The following CCM2L variants were observed in gnomAD, a reference collection of about 807,000 sequenced individuals.
CCM2L encodes the protein cerebral cavernous malformations 2 protein-like.
In CCM2L, 36 loss-of-function variants were observed where a neutral mutation model predicts 54.1. The observed-to-expected ratio is 0.67, with a 90% CI of 0.51 to 0.88. The LOEUF (loss-of-function observed/expected upper bound fraction) is 0.88, where lower values mean the gene tolerates loss of function less well. Among genes scored for constraint, CCM2L ranks in the 40% least tolerant of loss-of-function variants. The pLI is 0.00. For synonymous variants in CCM2L, 351 were observed against 359.3 expected, an observed-to-expected ratio of 0.98 and a Z score of 0.26; for missense variants, 700 against 812.1, an observed-to-expected ratio of 0.86 and a Z score of 1.68.
At chr20:32,024,224 C>T (rs1192807709) in intron 6 of CCM2L, among the ~76,000 whole-genome samples, 16 of 152,186 alleles carry the variant, frequency 1.1e-4, no homozygotes, top group Admixed American at 1.0e-3. Flanking sequence ...CCATTGTCTC[C>T]CACAGCATGG....
In CCM2L at chr20:32,017,866, C is replaced by T. The variant is rs766169463; in HGVS notation, c.265C>T (p.Leu89=). The T allele has an allele frequency of 6.2e-7, 1 of 1,614,074 alleles. No individual in the cohort carries two copies. The part of the protein sequence containing the change: ...NPSSRDELLQ[L]LDTARQLKEL... ...CTCCAGTCGGGACGAGCTCCTGCAG[C>T]TGCTAGACACCGCCAGGGTGAGACT... Residue 89 remains leucine, a synonymous_variant, in exon 3 of 10, where the codon CTG becomes TTG. Transcript: ENST00000452892.
chr20:32,013,851 G>A (rs965398435), intron 1 of CCM2L, among the ~76,000 whole-genome samples: 3 of 152,194 alleles, frequency 2.0e-5, no homozygotes, highest in African/African-American at 7.2e-5. Context: ...GGCTTGTTAA[G>A]CCCTAATTGC....
rs1229000377 is a variant in CCM2L at position 32,019,309 on chromosome 20, G to A, written c.833G>A (p.Gly278Asp). The change falls in exon 5 of 10, where the codon GGC becomes GAC. Residue 278 changes from glycine to aspartate, a missense_variant. Transcript: ENST00000452892. ...AGGCAGGCGGGCAGCGGCGGGGGAG[G>A]CAGCTGGGAGCGGCGCCACCCCGGC... ...ERRQAGSGGG[G>D]SWERRHPGPN... is the part of the protein sequence containing the mutation. The A allele has an allele frequency of 2.3e-6, 3 of 1,310,884 alleles. No homozygotes were observed. The Admixed American group carries it at 1.0e-4, about 45-fold the overall frequency. 81.2% of individuals were successfully genotyped at this position (1,310,884 alleles called of 1,614,324 possible). A position where few individuals can be genotyped will look rare whatever the true frequency, so the allele number is the denominator to read the frequency against.
At chr20:32,025,247 T>TTTTTC (rs368794150) in intron 6 of CCM2L, among the ~76,000 whole-genome samples, 1 of 151,528 alleles carries the variant, frequency 6.6e-6, no homozygotes, top group African/African-American at 2.4e-5. Context: ...TCTTTCTTTC[T>TTTTTC]TTTTCTTTTC....
chr20:32,013,760 A>G (rs2064714212), intron 1 of CCM2L, among the ~76,000 whole-genome samples: 2 of 152,140 alleles, frequency 1.3e-5, no homozygotes, highest in South Asian at 4.1e-4. Flanking sequence ...TTCCCCAGGT[A>G]GTACTAAAGG....
chr20:32,013,235 G>A (rs555328224), intron 1 of CCM2L, among the ~76,000 whole-genome samples: 3 of 152,192 alleles, frequency 2.0e-5, no homozygotes, highest in Admixed American at 6.5e-5. Flanking sequence ...AGAGATCAAG[G>A]CTGCAGTGAG....
chr20:32,031,440 T>C lies in CCM2L; in HGVS notation c.*126T>C. The C allele has an allele frequency of 1.3e-6, 1 of 758,340 alleles. No homozygotes were observed. The highest frequency in any genetic ancestry group is 1.8e-6 in the Non-Finnish European group (1 of 550,380). The allele number at this position is 758,340 out of a possible 1,614,324, so 47.0% of individuals were successfully genotyped here. ...GCCGGGGGGTCTTCACTCCAGGGTC[T>C]CGCTCCCTGCCCTTGGGGCCCGGGG... On this transcript the variant is annotated 3_prime_UTR_variant, in exon 10 of 10. Transcript: ENST00000452892.
Position 32,018,966 on chromosome 20 carries a change from G to A in CCM2L, c.490G>A (p.Ala164Thr). 7.1e-7 allele frequency: 1 copy of A among 1,402,488 alleles called. No homozygotes were observed. Among genetic ancestry groups the A allele is most frequent in the Non-Finnish European group, 9.2e-7 (1 of 1,082,744 alleles). The allele number at this position is 1,402,488 out of a possible 1,614,324, so 86.9% of individuals were successfully genotyped here. ...AGGTCTGGGTGTGGACCCGGTGCCG[G>A]CCGGCGTGGATGCCAGCCCAGGCGG... is the stretch of plus-strand genomic sequence containing the variant. ...KTGLGVDPVPAGVDASPGGAG... is the reference protein window; with the variant it reads ...KTGLGVDPVPTGVDASPGGAG... The change falls in exon 5 of 10, where the codon GCC becomes ACC. Residue 164 changes from alanine (A) to threonine (T), a missense_variant. Ala to Thr is a moderately conservative substitution (Grantham distance 58, BLOSUM62 0). Coordinates refer to ENST00000452892, the MANE Select transcript of CCM2L (RefSeq NM_001365692.1).
At chr20:32,022,454 G>A (rs1247963422) in intron 5 of CCM2L, among the ~76,000 whole-genome samples, 1 of 152,184 alleles carries the variant, frequency 6.6e-6, no homozygotes, top group East Asian at 1.9e-4. Context: ...TGGCACAAGA[G>A]TTAGAGTTGT....
chr20:32,011,611 C>A (rs1437806825), intron 1 of CCM2L, among the ~76,000 whole-genome samples: 1 of 151,848 alleles, frequency 6.6e-6, no homozygotes, highest in Non-Finnish European at 1.5e-5. Context: ...TAAATAAATA[C>A]ATAAATAAAA....
chr20:32,014,021 T>C (rs1025248990), intron 1 of CCM2L, among the ~76,000 whole-genome samples: 1 of 152,156 alleles, frequency 6.6e-6, no homozygotes, highest in East Asian at 1.9e-4. Context: ...TTCAGATGGC[T>C]GGTCTGGGCT....
chr20:32,026,092 C>A (rs1600683067), intron 7 of CCM2L, among the ~76,000 whole-genome samples, 173 bp downstream of exon 7: 1 of 152,062 alleles, frequency 6.6e-6, no homozygotes, highest in Admixed American at 6.6e-5. Flanking sequence ...GGATCCAGAC[C>A]CTTGAGAGAC....
At position 32,019,046 on chromosome 20, in the gene CCM2L, C is replaced by T. The variant is rs2064771977; in HGVS notation, c.570C>T (p.Gly190=). The T allele has an allele frequency of 1.5e-6, 2 of 1,301,988 alleles. No individual in the cohort carries two copies. The highest frequency in any genetic ancestry group is 1.9e-6 in the Non-Finnish European group (2 of 1,032,462). 80.7% of individuals were successfully genotyped at this position (1,301,988 alleles called of 1,614,324 possible). A position where few individuals can be genotyped will look rare whatever the true frequency, so the allele number is the denominator to read the frequency against. ...PGGAPEKRRV[G]TAERRHTICS... ...GGGCGCCCGAGAAGCGGCGGGTGGG[C>T]ACCGCGGAGCGGCGCCACACCATCT... Residue 190 remains glycine (G), a synonymous_variant, in exon 5 of 10, where the codon GGC becomes GGT. Coordinates refer to ENST00000452892, the MANE Select transcript of CCM2L (RefSeq NM_001365692.1).
At chr20:32,028,798 G>T (rs6121313) in intron 7 of CCM2L, 197 bp from the exon 8 acceptor site, 1 of 618,470 alleles carries the variant, frequency 1.6e-6, no homozygotes. Flanking sequence ...GAGAAGGGGG[G>T]TGGGGGGCGC....
At position 32,017,884 on chromosome 20, in the gene CCM2L, G is replaced by T; in HGVS notation, c.282+1G>T. 6.2e-7 allele frequency: 1 copy of T among 1,613,966 alleles called. No homozygotes were observed. The highest frequency in any genetic ancestry group is 8.5e-7 in the Non-Finnish European group (1 of 1,180,006). On this transcript the variant is annotated splice_donor_variant, in intron 3 of 9. Coordinates refer to ENST00000452892, the MANE Select transcript of CCM2L (RefSeq NM_001365692.1). LOFTEE classifies it high-confidence loss of function. ...CCTGCAGCTGCTAGACACCGCCAGG[G>T]TGAGACTCTGGGGAGGGAGGAGGGC...
chr20:32,025,118 CCTTT>C lies in CCM2L; in HGVS notation c.1070-725_1070-722del, dbSNP rs957173127. Among the ~76,000 whole-genome samples the C allele has an allele frequency of 3.3e-4, 49 of 149,468 alleles. 2 individuals carry two copies. The highest frequency in any genetic ancestry group is 6.9e-3 in the Middle Eastern group (2 of 290). ...TTTCTTTTCTTTTCCTTCCCCTTCC[CCTTT>C]CTTTCTTTCTTTTCTTTTCCTTCCC... On this transcript the variant is annotated intron_variant, in intron 6 of 9. Coordinates refer to ENST00000452892, the MANE Select transcript of CCM2L (RefSeq NM_001365692.1).
chr20:32,018,617 C>T (rs2064764662), intron 4 of CCM2L, among the ~76,000 whole-genome samples: 1 of 151,918 alleles, frequency 6.6e-6, no homozygotes, highest in Non-Finnish European at 1.5e-5. Context: ...ACTGGGTCCC[C>T]AGTTAAGGCT....
intron 1 of CCM2L, among the ~76,000 whole-genome samples, chr20:32,010,701 G>T (rs937285255): frequency 1.3e-5 from 2 of 152,100 alleles, no homozygotes; most frequent in Admixed American, 1.3e-4. Flanking sequence ...TCCCTAACGT[G>T]GACAGACAGG....
chr20:32,028,118 C>G (rs2064879894), intron 7 of CCM2L: 1 of 152,106 alleles, frequency 6.6e-6, no homozygotes, highest in Non-Finnish European at 1.5e-5. Context: ...GAAGAGTGTT[C>G]CAGGTAGAGG....
Sources: allele counts gnomAD v4.1 joint callset (sites outside exome capture counted in the v4.1 genomes callset), GRCh38; gene constraint gnomAD v4.1.1; transcripts MANE v1.5; gene names NCBI Gene and HGNC (gene_info 2026-07-23, HGNC 2026-07-21).